CTNNA2: variants seen among roughly 807,000 people sequenced by gnomAD.
CTNNA2 encodes the protein catenin alpha-2.
CTNNA2 carries 42 observed loss-of-function variants against 101.0 expected under a neutral mutation model. The ratio of observed to expected loss-of-function variants is 0.42; its 90% confidence interval spans 0.32 to 0.54. The LOEUF (loss-of-function observed/expected upper bound fraction) is 0.54. CTNNA2 is among the 20% of genes least tolerant of loss of function. The pLI is 0.14. For missense variants in CTNNA2, 871 were observed against 1,223.1 expected, an observed-to-expected ratio of 0.71 and a Z score of 4.29; for synonymous variants, 450 against 456.4, an observed-to-expected ratio of 0.99 and a Z score of 0.18.
intron 9 of CTNNA2, among the ~76,000 whole-genome samples, chr2:80,508,178 C>G (rs1228560109): frequency 2.0e-5 from 3 of 152,016 alleles, no homozygotes; most frequent in Admixed American, 6.6e-5. Context: ...AAAGAATAAA[C>G]AAGTGGGGCT....
intron 7 of CTNNA2, among the ~76,000 whole-genome samples, chr2:80,216,223 G>GC (rs1558912047): frequency 6.6e-6 from 1 of 152,152 alleles, no homozygotes; most frequent in African/African-American, 2.4e-5. Context: ...GTGAGGTGAT[G>GC]CCCCGCCCTG....
intron 7 of CTNNA2, among the ~76,000 whole-genome samples, chr2:80,296,111 G>A (rs1675717653): frequency 6.6e-6 from 1 of 152,056 alleles, no homozygotes; most frequent in African/African-American, 2.4e-5. Flanking sequence ...TGGGGTACAT[G>A]AGATATTTTG....
chr2:80,340,647 A>G (rs560354570), intron 7 of CTNNA2, among the ~76,000 whole-genome samples: 15 of 152,296 alleles, frequency 9.8e-5, no homozygotes, highest in South Asian at 4.1e-4. Flanking sequence ...GTCTCATTCT[A>G]TCTCCTGTGT....
At chr2:80,565,994 C>G (rs1026316322) in intron 12 of CTNNA2, among the ~76,000 whole-genome samples, 1 of 152,030 alleles carries the variant, frequency 6.6e-6, no homozygotes, top group Admixed American at 6.6e-5. Flanking sequence ...ATGCTTGAAA[C>G]GTAGATCAAG....
In CTNNA2 at chr2:79,610,252, T is replaced by C. The variant is rs998731702; in HGVS notation, c.-5-41300T>C. On this transcript the variant is annotated intron_variant, in intron 1 of 18. Coordinates refer to ENST00000402739, the MANE Select transcript of CTNNA2 (RefSeq NM_001282597.3). Reference sequence around the variant, plus strand: ...ATTCACACAATTAAAATTAAACCGATTCAACTGCAAGTTTTTGTGAGAATG... The same window carrying C: ...ATTCACACAATTAAAATTAAACCGACTCAACTGCAAGTTTTTGTGAGAATG... 2.6e-5 allele frequency among the ~76,000 whole-genome samples: 4 copies of C among 152,236 alleles called. No homozygotes were observed. The East Asian group carries it at 7.7e-4, about 29-fold the overall frequency.
chr2:79,231,296 A>T (rs971782978), intron 2 of CTNNA2, among the ~76,000 whole-genome samples: 3 of 152,076 alleles, frequency 2.0e-5, no homozygotes, highest in Non-Finnish European at 4.4e-5. Context: ...TTCCTGTGCT[A>T]TTCCTGTGAT....
At chr2:79,627,175 C>G (rs568507325) in intron 1 of CTNNA2, among the ~76,000 whole-genome samples, 2 of 152,318 alleles carry the variant, frequency 1.3e-5, no homozygotes, top group Admixed American at 6.5e-5. Flanking sequence ...AGACTTGCCT[C>G]TAAAGATGTA....
rs189660350 is a variant in CTNNA2, at chr2:80,307,750, A to G, written c.1057-85461A>G. ...CAGGGGAAGGAACCTGAGCTCATCT[A>G]GCTGAACCGCTATAGCTGCAAGTCT... On this transcript the variant is annotated intron_variant, in intron 7 of 18. Coordinates refer to ENST00000402739, the MANE Select transcript of CTNNA2 (RefSeq NM_001282597.3). 4.6e-5 allele frequency among the ~76,000 whole-genome samples: 7 copies of G among 152,232 alleles called. No individual in the cohort carries two copies. In the South Asian group the frequency reaches 6.2e-4, roughly 13 times the overall value.
intron 3 of CTNNA2, among the ~76,000 whole-genome samples, chr2:79,370,469 A>C (rs780149362): frequency 2.6e-5 from 4 of 152,210 alleles, no homozygotes; most frequent in Non-Finnish European, 5.9e-5. Context: ...TTAGCAATAG[A>C]AAATCATTGG....
At chr2:80,540,554 G>A (rs1003907549) in intron 9 of CTNNA2, among the ~76,000 whole-genome samples, 3 of 150,170 alleles carry the variant, frequency 2.0e-5, no homozygotes, top group East Asian at 3.9e-4. Flanking sequence ...CTGAGATCTT[G>A]CTGCTGCACT....
chr2:80,408,271 A>G (rs980690648), intron 8 of CTNNA2, among the ~76,000 whole-genome samples: 1 of 152,200 alleles, frequency 6.6e-6, no homozygotes, highest in African/African-American at 2.4e-5. Flanking sequence ...AGTACAGGCC[A>G]GGTGACTCTA....
intron 9 of CTNNA2, among the ~76,000 whole-genome samples, chr2:80,471,777 T>G (rs1685323099): frequency 6.6e-6 from 1 of 151,898 alleles, no homozygotes; most frequent in South Asian, 2.1e-4. Context: ...AGGTTTTTTG[T>G]TTGTCTGTTG....
chr2:79,499,687 A>G (rs1053698770), intron 4 of CTNNA2, among the ~76,000 whole-genome samples: 9 of 152,034 alleles, frequency 5.9e-5, no homozygotes, highest in African/African-American at 1.9e-4. Flanking sequence ...TCCCATTTTG[A>G]TGTTTCTTCA....
Position 80,496,275 on chromosome 2 carries a change from C to T in CTNNA2, c.1291-48707C>T, listed in dbSNP as rs562553540. Among the ~76,000 whole-genome samples, 3 of 152,216 alleles carry T rather than the reference C, an allele frequency of 2.0e-5. No individual in the cohort carries two copies. In the East Asian group the frequency reaches 5.8e-4, roughly 29 times the overall value. On this transcript the variant is annotated intron_variant, in intron 9 of 18. Coordinates refer to ENST00000402739, the MANE Select transcript of CTNNA2 (RefSeq NM_001282597.3). ...CTAATGTAGGGATATAGACAAATTT[C>T]TCTTCTATGGGCTGGCTCTGTGCAT...
intron 7 of CTNNA2, among the ~76,000 whole-genome samples, chr2:80,027,352 G>T (rs1694992518): frequency 6.6e-6 from 1 of 152,200 alleles, no homozygotes. Context: ...ATGTAAGATG[G>T]GTGTGGAGAG....
At chr2:79,519,223 C>T (rs1014877311) in intron 1 of CTNNA2, among the ~76,000 whole-genome samples, 8 of 138,132 alleles carry the variant, frequency 5.8e-5, no homozygotes, top group African/African-American at 8.3e-5. Flanking sequence ...AACAAGACTC[C>T]GTCTCAAAAA....
At chr2:80,309,907 AC>A (rs1677386718) in intron 7 of CTNNA2, among the ~76,000 whole-genome samples, 1 of 151,948 alleles carries the variant, frequency 6.6e-6, no homozygotes. Context: ...CACAGAAGTC[AC>A]AAAGATTAAA....
rs1681906837 is a variant in CTNNA2 at position 79,864,839 on chromosome 2, C to T, written c.466-4977C>T. 2.6e-5 allele frequency among the ~76,000 whole-genome samples: 4 copies of T among 152,146 alleles called. No homozygotes were observed. The South Asian group carries it at 8.3e-4, about 32-fold the overall frequency. On this transcript the variant is annotated intron_variant, in intron 4 of 18. Coordinates refer to ENST00000402739, the MANE Select transcript of CTNNA2 (RefSeq NM_001282597.3). ...CCTACACTTACTTGCTGTGAGACTT[C>T]TGACAGGTTATACAACTCCTCTCCT...
intron 7 of CTNNA2, among the ~76,000 whole-genome samples, chr2:80,374,682 C>CATGT (rs1339621077): frequency 7.5e-6 from 1 of 133,966 alleles, no homozygotes; most frequent in Admixed American, 7.4e-5. Flanking sequence ...TGCGTGCGTG[C>CATGT]GTGTGTGTGT....
Sources: allele counts gnomAD v4.1 joint callset (sites outside exome capture counted in the v4.1 genomes callset), GRCh38; gene constraint gnomAD v4.1.1; transcripts MANE v1.5; gene names NCBI Gene and HGNC (gene_info 2026-07-23, HGNC 2026-07-21).